GLIS3: variants seen among roughly 807,000 people sequenced by gnomAD.
GLIS3 encodes the protein GLIS family zinc finger 3.
GLIS3 carries 53 observed loss-of-function variants against 78.6 expected under a neutral mutation model. The observed-to-expected ratio is 0.67, with a 90% confidence interval of 0.54 to 0.85. GLIS3 has a LOEUF of 0.85. Among genes scored for constraint, GLIS3 ranks in the 40% least tolerant of loss-of-function variants. The pLI is 0.00. For missense variants in GLIS3, 1,703 were observed against 1,231.1 expected (o/e 1.38, Z -5.74); for synonymous variants, 684 against 509.9 (o/e 1.34, Z -4.60).
intron 9 of GLIS3, among the ~76,000 whole-genome samples, chr9:3,843,102 G>C (rs1159935881): frequency 6.6e-6 from 1 of 152,172 alleles, no homozygotes; most frequent in Non-Finnish European, 1.5e-5. Context: ...GAGTGACTCA[G>C]AAGTCTTGTT....
chr9:3,856,905 G>T (rs941847889), intron 8 of GLIS3, among the ~76,000 whole-genome samples: 1 of 152,196 alleles, frequency 6.6e-6, no homozygotes, highest in East Asian at 1.9e-4. Context: ...TTTAAATAAG[G>T]AGATGTTGTC....
chr9:4,354,648 G>T, the GLIS3 span, among the ~76,000 whole-genome samples: 1 of 152,156 alleles, frequency 6.6e-6, no homozygotes, highest in Non-Finnish European at 1.5e-5. Flanking sequence ...GCTTTCTCGA[G>T]CCTCTCACTG....
chr9:4,446,446 G>C, the GLIS3 span, among the ~76,000 whole-genome samples: 1 of 151,586 alleles, frequency 6.6e-6, no homozygotes, highest in South Asian at 2.1e-4. Context: ...AAATTACCCA[G>C]TGTAAGGTAG....
chr9:4,246,255 A>C (rs952782616), intron 2 of GLIS3, among the ~76,000 whole-genome samples: 2 of 152,170 alleles, frequency 1.3e-5, no homozygotes, highest in Non-Finnish European at 2.9e-5. Flanking sequence ...AATTAAACAC[A>C]ATTTTAAATA....
chr9:4,366,091 C>A, the GLIS3 span, among the ~76,000 whole-genome samples: 1 of 152,008 alleles, frequency 6.6e-6, no homozygotes, highest in African/African-American at 2.4e-5. Context: ...TATGGGGCAC[C>A]CAGAAGACAG....
the GLIS3 span, among the ~76,000 whole-genome samples, chr9:4,407,337 C>G: frequency 6.6e-6 from 1 of 152,196 alleles, no homozygotes; most frequent in Non-Finnish European, 1.5e-5. Context: ...AACTGTGAAA[C>G]TACTGCAAGA....
At chr9:4,454,150 T>TAA in the GLIS3 span, among the ~76,000 whole-genome samples, 35 of 128,756 alleles carry the variant, frequency 2.7e-4, no homozygotes, top group African/African-American at 6.2e-4. Context: ...TATATGATGA[T>TAA]AAAAAAAAAA....
the GLIS3 span, among the ~76,000 whole-genome samples, chr9:4,455,496 G>C: frequency 6.6e-6 from 1 of 152,142 alleles, no homozygotes; most frequent in East Asian, 1.9e-4. Context: ...TTAGGTTCTA[G>C]TTCCAGCCCT....
chr9:3,990,669 C>T (rs181135739), intron 4 of GLIS3, among the ~76,000 whole-genome samples: 2 of 152,208 alleles, frequency 1.3e-5, no homozygotes, highest in East Asian at 3.9e-4. Flanking sequence ...TTCTACTATA[C>T]AGAAGAGGGA....
intron 2 of GLIS3, among the ~76,000 whole-genome samples, chr9:4,127,873 A>C (rs750394156): frequency 6.6e-6 from 1 of 152,196 alleles, no homozygotes; most frequent in Admixed American, 6.5e-5. Flanking sequence ...CTACCTCTAA[A>C]ACAAAGATAT....
the GLIS3 span, among the ~76,000 whole-genome samples, chr9:4,453,201 T>C: frequency 1.3e-5 from 2 of 151,956 alleles, no homozygotes; most frequent in East Asian, 3.9e-4. Flanking sequence ...CCTAAAACCA[T>C]AAAAACTCTA....
the GLIS3 span, among the ~76,000 whole-genome samples, chr9:4,412,720 A>T: frequency 1.3e-5 from 2 of 152,158 alleles, no homozygotes; most frequent in African/African-American, 4.8e-5. Context: ...ACTAGTCTAC[A>T]TTTCCCAGAC....
At chr9:4,442,653 A>G in the GLIS3 span, among the ~76,000 whole-genome samples, 1 of 151,962 alleles carries the variant, frequency 6.6e-6, no homozygotes, top group Admixed American at 6.6e-5. Flanking sequence ...TTAAATATAT[A>G]TATTTCAAAG....
At chr9:4,425,058 G>T in the GLIS3 span, among the ~76,000 whole-genome samples, 2 of 152,040 alleles carry the variant, frequency 1.3e-5, no homozygotes, top group Non-Finnish European at 2.9e-5. Context: ...ACAATGACTG[G>T]AAGCTGAGGA....
At chr9:4,104,070 A>C (rs1830575515) in intron 4 of GLIS3, among the ~76,000 whole-genome samples, 1 of 152,098 alleles carries the variant, frequency 6.6e-6, no homozygotes, top group African/African-American at 2.4e-5. Flanking sequence ...GACTCTACTC[A>C]TTTCACTTTA....
At chr9:4,343,701 G>A (rs1001155952) in intron 2 of GLIS3, among the ~76,000 whole-genome samples, 3 of 152,086 alleles carry the variant, frequency 2.0e-5, no homozygotes, top group Admixed American at 1.3e-4. Context: ...AAGAAAATGC[G>A]GTACATACAC....
chr9:3,884,951 C>T (rs111693253), intron 7 of GLIS3, among the ~76,000 whole-genome samples: 5 of 152,120 alleles, frequency 3.3e-5, no homozygotes, highest in African/African-American at 1.2e-4. Flanking sequence ...AGCCACTAAT[C>T]CCCCACCACA....
At chr9:4,401,493 A>G in the GLIS3 span, among the ~76,000 whole-genome samples, 1 of 150,894 alleles carries the variant, frequency 6.6e-6, no homozygotes, top group African/African-American at 2.4e-5. Flanking sequence ...CGAAATCTCA[A>G]CCTCGGGTAA....
intron 2 of GLIS3, among the ~76,000 whole-genome samples, chr9:4,283,222 A>T (rs144004427): frequency 2.0e-5 from 3 of 150,914 alleles, no homozygotes; most frequent in African/African-American, 7.3e-5. Context: ...TATCATTCTG[A>T]GTGTATCCCT....
Sources: gnomAD v4.1 joint callset for allele counts (sites outside exome capture counted in the v4.1 genomes callset) on GRCh38, gnomAD v4.1.1 for gene constraint, MANE v1.5 for transcripts, NCBI Gene and HGNC (gene_info 2026-07-23, HGNC 2026-07-21) for gene names.